The following ZNRF3 variants were observed in gnomAD, a reference collection of about 807,000 sequenced individuals.
ZNRF3 encodes zinc and ring finger 3, also known as E3 ubiquitin-protein ligase ZNRF3.
In ZNRF3, 23 loss-of-function variants were observed where a neutral mutation model predicts 72.5. That is an observed-to-expected ratio of 0.32 (90% CI 0.23 to 0.45). The LOEUF (loss-of-function observed/expected upper bound fraction) is 0.45. ZNRF3 is among the 20% of genes least tolerant of loss of function. ZNRF3 has a pLI of 1.00. For synonymous variants in ZNRF3, 610 were observed against 545.3 expected (o/e 1.12, Z -1.65); for missense variants, 1,169 against 1,272.1 (o/e 0.92, Z 1.23).
intron 1 of ZNRF3, among the ~76,000 whole-genome samples, chr22:28,964,304 C>G (rs1043502123): frequency 6.6e-6 from 1 of 152,106 alleles, no homozygotes; most frequent in Non-Finnish European, 1.5e-5. Flanking sequence ...GGGTCTCTAT[C>G]CTCAAAGGTC....
chr22:29,050,265 C>G lies in ZNRF3; in HGVS notation c.2084C>G (p.Pro695Arg), dbSNP rs1569297765. ...CTCGAGGCTTCTCCTGGGGCCGCCC[C>G]TGACCTCAGGAGGACCTGGAAGGGG... ...VGLEASPGAAPDLRRTWKGGH... is the reference protein window; with the variant it reads ...VGLEASPGAARDLRRTWKGGH... The change falls in exon 8 of 9, where the codon CCT (proline) becomes CGT (arginine). Residue 695 changes from proline to arginine, a missense_variant. By Grantham distance (103) the Pro-to-Arg change is moderately radical (BLOSUM62 -2). This residue lies in a region of ZNRF3 where 783 missense variants were observed against 731.4 expected (regional missense o/e 1.07). Coordinates refer to ENST00000544604, the MANE Select transcript of ZNRF3 (RefSeq NM_001206998.2). The G allele has an allele frequency of 6.3e-7, 1 of 1,598,442 alleles. No homozygotes were observed. The highest frequency in any genetic ancestry group is 1.7e-5 in the Admixed American group (1 of 59,942).
intron 2 of ZNRF3, among the ~76,000 whole-genome samples, chr22:29,010,732 C>A (rs1389772600): frequency 6.6e-6 from 1 of 152,170 alleles, no homozygotes; most frequent in Non-Finnish European, 1.5e-5. Flanking sequence ...TGCAATGCTA[C>A]CATCTCAACT....
In ZNRF3 at chr22:29,046,779, A is replaced by G. The variant is rs2037079402; in HGVS notation, c.808A>G (p.Lys270Glu). ...EKMETRKFNS[K>E]SKGRREGSCG... ...GATGGAAACCAGAAAGTTCAACTCC[A>G]AGAGCAAGGGGCGCCGGGAGGGGAG... The change falls in exon 6 of 9, where the codon AAG (lysine) becomes GAG (glutamate). Residue 270 changes from lysine (K) to glutamate (E), a missense_variant. This residue lies in a region of ZNRF3 where 386 missense variants were observed against 540.7 expected (regional missense o/e 0.71). Coordinates refer to ENST00000544604, the MANE Select transcript of ZNRF3 (RefSeq NM_001206998.2). 2 of 1,612,184 alleles carry G rather than the reference A, an allele frequency of 1.2e-6. No homozygotes were observed. Among genetic ancestry groups the G allele is most frequent in the Non-Finnish European group, 1.7e-6 (2 of 1,179,060 alleles).
intron 2 of ZNRF3, among the ~76,000 whole-genome samples, chr22:29,024,592 G>A (rs1601679449): frequency 1.3e-5 from 2 of 151,780 alleles, no homozygotes; most frequent in East Asian, 3.9e-4. Context: ...GTGCATGTAG[G>A]GTCCCTAGTA....
chr22:28,892,092 G>T (rs1015239063), intron 1 of ZNRF3, among the ~76,000 whole-genome samples: 27 of 152,166 alleles, frequency 1.8e-4, no homozygotes, highest in Non-Finnish European at 3.4e-4. Context: ...AAGAGGTCAC[G>T]TCCCATGTTT....
At chr22:28,914,430 C>CT (rs1354447301) in intron 1 of ZNRF3, among the ~76,000 whole-genome samples, 1 of 149,764 alleles carries the variant, frequency 6.7e-6, no homozygotes, top group African/African-American at 2.4e-5. Context: ...TAAGAGGAAA[C>CT]TGAGATGAGG....
chr22:28,982,391 A>G (rs1384152002), intron 1 of ZNRF3, among the ~76,000 whole-genome samples: 1 of 144,768 alleles, frequency 6.9e-6, no homozygotes, highest in Non-Finnish European at 1.5e-5. Context: ...TGCGCCTAGG[A>G]GTTCAAGACC....
intron 2 of ZNRF3, among the ~76,000 whole-genome samples, chr22:28,998,113 A>T (rs1366124207): frequency 6.6e-6 from 1 of 151,914 alleles, no homozygotes; most frequent in Non-Finnish European, 1.5e-5. Context: ...AGCCTGGCCA[A>T]CATGGTGAAA....
chr22:29,054,680 G>C lies in ZNRF3; in HGVS notation c.*1058G>C, dbSNP rs1356132455. The C allele has an allele frequency of 6.5e-6, 1 of 152,816 alleles. No homozygotes were observed. Among genetic ancestry groups the C allele is most frequent in the Non-Finnish European group, 1.5e-5 (1 of 68,126 alleles). The allele number at this position is 152,816 out of a possible 1,614,324, so 9.5% of individuals were successfully genotyped here. On this transcript the variant is annotated 3_prime_UTR_variant, in exon 9 of 9. Transcript: ENST00000544604. ...CTTGGTGTCCGATGGGGCTGGGGGA[G>C]AGTGCTCTCCACTGACCCAGCAGCA...
chr22:29,000,621 T>C (rs1306772881), intron 2 of ZNRF3, among the ~76,000 whole-genome samples: 1 of 152,228 alleles, frequency 6.6e-6, no homozygotes, highest in Non-Finnish European at 1.5e-5. Flanking sequence ...TATTATTCCA[T>C]TTGCATTACT....
rs575079422 is a variant in ZNRF3 at position 28,925,834 on chromosome 22, A to G, written c.300+41768A>G. Among the ~76,000 whole-genome samples the G allele has an allele frequency of 3.3e-5, 5 of 152,216 alleles. No individual in the cohort carries two copies. In the East Asian group the frequency reaches 5.8e-4, roughly 18 times the overall value. On this transcript the variant is annotated intron_variant, in intron 1 of 8. Transcript: ENST00000544604. The stretch of plus-strand genomic sequence containing the variant: ...TTTTTGATATTTGAAAATCAAGCAC[A>G]TGGGGGCTGAGATGTTATAATGGAT...
At chr22:29,005,534 G>A (rs1041027411) in intron 2 of ZNRF3, among the ~76,000 whole-genome samples, 1 of 152,186 alleles carries the variant, frequency 6.6e-6, no homozygotes, top group Non-Finnish European at 1.5e-5. Context: ...CATGTCTTTT[G>A]GGTCAGCAGA....
In ZNRF3 at chr22:29,015,635, A is replaced by T. The variant is rs2036417313; in HGVS notation, c.427-26860A>T. The stretch of plus-strand genomic sequence containing the variant: ...CAGTGAGCTGAGACTGCACCACTGC[A>T]CTCCCGCCTGGGTGACAGAGTGAGA... On this transcript the variant is annotated intron_variant, in intron 2 of 8. Transcript: ENST00000544604. 2.0e-5 allele frequency among the ~76,000 whole-genome samples: 3 copies of T among 146,922 alleles called. 1 individual carries two copies. The South Asian group carries it at 6.5e-4, about 32-fold the overall frequency.
intron 1 of ZNRF3, among the ~76,000 whole-genome samples, chr22:28,980,173 A>G (rs907470073): frequency 1.3e-4 from 20 of 150,686 alleles, no homozygotes; most frequent in Admixed American, 4.0e-4. Flanking sequence ...TGGAAAACAG[A>G]TAGGGGCATA....
At chr22:28,887,202 C>T (rs2033804104) in intron 1 of ZNRF3, among the ~76,000 whole-genome samples, 1 of 150,068 alleles carries the variant, frequency 6.7e-6, no homozygotes, top group Non-Finnish European at 1.5e-5. Flanking sequence ...TAACCCCCCT[C>T]CTTATTATAT....
intron 1 of ZNRF3, among the ~76,000 whole-genome samples, chr22:28,928,666 T>A (rs2034646936): frequency 6.6e-6 from 1 of 151,890 alleles, no homozygotes; most frequent in Non-Finnish European, 1.5e-5. Flanking sequence ...GCTAATTTTT[T>A]TTTTTATTTT....
At chr22:29,045,087 A>G (rs1176649219) in intron 5 of ZNRF3, among the ~76,000 whole-genome samples, 197 bp downstream of exon 5, 1 of 152,090 alleles carries the variant, frequency 6.6e-6, no homozygotes, top group Non-Finnish European at 1.5e-5. Flanking sequence ...TAGGCCAGGC[A>G]CCATGACTCA....
Position 29,050,944 on chromosome 22 carries a change from T to G in ZNRF3, c.2763T>G (p.Ala921=). 3.3e-6 allele frequency: 5 copies of G among 1,511,942 alleles called. No homozygotes were observed. The highest frequency in any genetic ancestry group is 4.4e-6 in the Non-Finnish European group (5 of 1,138,022). The allele number at this position is 1,511,942 out of a possible 1,614,324, so 93.7% of individuals were successfully genotyped here. A position where few individuals can be genotyped will look rare whatever the true frequency, so the allele number is the denominator to read the frequency against. Residue 921 remains alanine, a synonymous_variant, in exon 8 of 9, where the codon GCT becomes GCG. Coordinates refer to ENST00000544604, the MANE Select transcript of ZNRF3 (RefSeq NM_001206998.2). The part of the protein sequence containing the change: ...TQESSTTATE[A]AGPRSHSADS... Reference sequence around the variant, plus strand: ...AGTCCAGCACCACTGCCACTGAGGCTGCAGGTGAGAGCAGGAAATGGCAGT... The same window carrying G: ...AGTCCAGCACCACTGCCACTGAGGCGGCAGGTGAGAGCAGGAAATGGCAGT...
intron 1 of ZNRF3, among the ~76,000 whole-genome samples, chr22:28,954,575 G>A (rs982998847): frequency 1.3e-5 from 2 of 152,120 alleles, no homozygotes; most frequent in African/African-American, 4.8e-5. Flanking sequence ...TTTAAAACAG[G>A]AATAACTTAT....
Sources: gnomAD v4.1 joint callset for allele counts (sites outside exome capture counted in the v4.1 genomes callset) on GRCh38, gnomAD v4.1.1 for gene constraint, gnomAD v4.1.1 regional missense constraint, MANE v1.5 for transcripts, NCBI Gene and HGNC (gene_info 2026-07-23, HGNC 2026-07-21) for gene names.